Variants in FAM169A observed in about 807,000 individuals in gnomAD.
The protein encoded by FAM169A is family with sequence similarity 169 member A.
FAM169A carries 24 observed loss-of-function variants against 75.7 expected under a neutral mutation model. The observed-to-expected ratio is 0.32, with a 90% CI of 0.23 to 0.45. The LOEUF is 0.45. FAM169A is among the 20% of genes least tolerant of loss of function. FAM169A has a pLI of 1.00. For synonymous variants in FAM169A, 271 were observed against 271.0 expected, an observed-to-expected ratio of 1.00 and a Z score of 0.00; for missense variants, 673 against 784.0, an observed-to-expected ratio of 0.86 and a Z score of 1.69.
At chr5:74,852,708 G>A (rs561176724) in intron 1 of FAM169A, among the ~76,000 whole-genome samples, 68 of 151,768 alleles carry the variant, frequency 4.5e-4, no homozygotes, top group Middle Eastern at 3.4e-3. Flanking sequence ...ACGGCAAATG[G>A]TGGTGGAAGT....
At chr5:74,787,726 C>T (rs759077644) in intron 11 of FAM169A, among the ~76,000 whole-genome samples, 23 of 152,150 alleles carry the variant, frequency 1.5e-4, no homozygotes, top group Non-Finnish European at 2.8e-4. Context: ...GGCAAAGCAG[C>T]AATCAGAATA....
chr5:74,799,076 A>G, intron 10 of FAM169A: 1 of 1,001,992 alleles, frequency 1.0e-6, no homozygotes, highest in Non-Finnish European at 1.6e-6. Flanking sequence ...CTCAGTGTCA[A>G]TAATCACGAA....
intron 11 of FAM169A, among the ~76,000 whole-genome samples, chr5:74,794,210 C>T (rs193001318): frequency 2.7e-5 from 4 of 146,866 alleles, no homozygotes; most frequent in African/African-American, 5.0e-5. Context: ...CTGGCTAACA[C>T]GGTGAAACCC....
At chr5:74,841,509 G>C in intron 2 of FAM169A, 36 bp downstream of exon 2, 1 of 1,504,158 alleles carries the variant, frequency 6.6e-7, no homozygotes, top group Non-Finnish European at 9.0e-7. Flanking sequence ...AAACTGAACT[G>C]AAAAGATTGA....
chr5:74,784,103 G>A (rs1008781791), intron 11 of FAM169A, among the ~76,000 whole-genome samples: 2 of 152,002 alleles, frequency 1.3e-5, no homozygotes, highest in African/African-American at 4.8e-5. Flanking sequence ...GACCAGAGTC[G>A]AGAGACATAT....
At chr5:74,817,715 CAAAG>C (rs1442284791) in intron 5 of FAM169A, among the ~76,000 whole-genome samples, 1 of 152,100 alleles carries the variant, frequency 6.6e-6, no homozygotes, top group Non-Finnish European at 1.5e-5. Context: ...ATAATCTTGA[CAAAG>C]AACTTGTCAA....
At chr5:74,790,676 T>A (rs1187435341) in intron 11 of FAM169A, among the ~76,000 whole-genome samples, 2 of 152,302 alleles carry the variant, frequency 1.3e-5, no homozygotes, top group East Asian at 3.9e-4. Context: ...AATGGGTCCA[T>A]GAACAAAGTG....
chr5:74,840,772 T>C (rs572210834), intron 2 of FAM169A, among the ~76,000 whole-genome samples: 1 of 150,022 alleles, frequency 6.7e-6, no homozygotes, highest in East Asian at 2.0e-4. Context: ...GAGGTTGCAG[T>C]GAGCCAAGAT....
intron 11 of FAM169A, among the ~76,000 whole-genome samples, chr5:74,785,315 T>C (rs1392720592): frequency 6.6e-6 from 1 of 152,062 alleles, no homozygotes; most frequent in Non-Finnish European, 1.5e-5. Flanking sequence ...CGAGACTCCG[T>C]CTCAAAAGAA....
intron 6 of FAM169A, among the ~76,000 whole-genome samples, chr5:74,812,192 C>T (rs1747231054): frequency 6.6e-6 from 1 of 152,152 alleles, no homozygotes; most frequent in Admixed American, 6.5e-5. Context: ...AGTGCAATCT[C>T]GGCTCACTGC....
intron 1 of FAM169A, among the ~76,000 whole-genome samples, chr5:74,846,599 G>A (rs1047806532): frequency 6.6e-6 from 1 of 152,112 alleles, no homozygotes; most frequent in African/African-American, 2.4e-5. Flanking sequence ...ATAAGCAATA[G>A]GTCATCTAAA....
intron 1 of FAM169A, among the ~76,000 whole-genome samples, chr5:74,856,266 G>A (rs1319172639): frequency 6.6e-6 from 1 of 151,788 alleles, no homozygotes; most frequent in Non-Finnish European, 1.5e-5. Context: ...GCTATTCTGG[G>A]GTCTTTTGTG....
chr5:74,818,791 CTCTCTCTCTCTCTATA>C (rs1364631991), intron 5 of FAM169A, among the ~76,000 whole-genome samples: 3 of 138,810 alleles, frequency 2.2e-5, no homozygotes, highest in African/African-American at 8.6e-5. Context: ...CTCTCTCTCT[CTCTCTCTCTCTCTATA>C]TATATATATA....
At chr5:74,819,978 A>G (rs1173300690) in intron 5 of FAM169A, among the ~76,000 whole-genome samples, 3 of 150,958 alleles carry the variant, frequency 2.0e-5, no homozygotes, top group Non-Finnish European at 4.4e-5. Context: ...GTATTTTTAA[A>G]AACTGAATTG....
chr5:74,826,845 T>C (rs1043448816), intron 5 of FAM169A, among the ~76,000 whole-genome samples: 7 of 152,242 alleles, frequency 4.6e-5, no homozygotes, highest in Admixed American at 4.6e-4. Flanking sequence ...TGTTCTTTTC[T>C]GTTTCAGAAT....
intron 5 of FAM169A, among the ~76,000 whole-genome samples, chr5:74,833,904 C>T (rs1043462620): frequency 6.6e-6 from 1 of 152,120 alleles, no homozygotes; most frequent in South Asian, 2.1e-4. Context: ...CGATCAGAAA[C>T]CCAAACTTTA....
chr5:74,781,880 A>C lies in FAM169A; in HGVS notation c.1593T>G (p.Ala531=). Reference sequence around the variant, plus strand: ...CAGATCGTTCTTCATTTGACATAGTAGCAACATTGTCTGAACTCCCAAGAT... The same window carrying C: ...CAGATCGTTCTTCATTTGACATAGTCGCAACATTGTCTGAACTCCCAAGAT... ...KAHLGSSDNV[A]TMSNEERSDG... Residue 531 remains alanine, a synonymous_variant, in exon 13 of 13, where the codon GCT becomes GCG. Transcript: ENST00000687041. The C allele has an allele frequency of 6.2e-7, 1 of 1,614,136 alleles. No individual in the cohort carries two copies. The highest frequency in any genetic ancestry group is 8.5e-7 in the Non-Finnish European group (1 of 1,179,996).
chr5:74,803,287 A>C (rs890798295), intron 8 of FAM169A, among the ~76,000 whole-genome samples: 1 of 152,132 alleles, frequency 6.6e-6, no homozygotes, highest in South Asian at 2.1e-4. Flanking sequence ...CCAATACTAA[A>C]TGAATCTGTG....
intron 5 of FAM169A, among the ~76,000 whole-genome samples, chr5:74,832,672 T>TAC (rs1456302191): frequency 1.3e-5 from 2 of 150,086 alleles, no homozygotes; most frequent in East Asian, 3.9e-4. Context: ...TATATATATA[T>TAC]ACACACACAT....
Sources: allele counts gnomAD v4.1 joint callset (sites outside exome capture counted in the v4.1 genomes callset), GRCh38; gene constraint gnomAD v4.1.1; transcripts MANE v1.5; gene names NCBI Gene and HGNC (gene_info 2026-07-23, HGNC 2026-07-21).